SORCS1: variants seen among roughly 807,000 people sequenced by gnomAD.
SORCS1 encodes VPS10 domain-containing receptor SorCS1.
Under a neutral mutation model 146.1 loss-of-function variants are expected in SORCS1, and 60 were observed. That is an observed-to-expected ratio of 0.41 (90% CI 0.33 to 0.51). SORCS1 has a LOEUF of 0.51. SORCS1 is among the 20% of genes least tolerant of loss of function. The pLI, the probability that SORCS1 is intolerant of heterozygous loss-of-function variation, is 0.21. For synonymous variants in SORCS1, 637 were observed against 584.0 expected (o/e 1.09, Z -1.31); for missense variants, 1,352 against 1,487.6 (o/e 0.91, Z 1.50).
chr10:106,694,689 C>T lies in SORCS1; in HGVS notation c.1413+4525G>A, dbSNP rs1292130357. On this transcript the variant is annotated intron_variant, in intron 9 of 25. Coordinates refer to ENST00000263054, the MANE Select transcript of SORCS1 (RefSeq NM_052918.5). ...TATATTATCATAACCGTTGAGTTTT[C>T]TCTTTTAAAGAGAGGGTACTCATAA... Among the ~76,000 whole-genome samples the T allele has an allele frequency of 5.3e-5, 8 of 152,296 alleles. No individual in the cohort carries two copies. In the East Asian group the frequency reaches 1.3e-3, roughly 26 times the overall value.
chr10:106,818,458 C>A (rs1048128288), intron 3 of SORCS1, among the ~76,000 whole-genome samples: 3 of 151,816 alleles, frequency 2.0e-5, no homozygotes, highest in Non-Finnish European at 2.9e-5. Flanking sequence ...CTCCACCTCC[C>A]AGGTTCAAGT....
intron 1 of SORCS1, among the ~76,000 whole-genome samples, chr10:107,107,648 G>A (rs1307559777): frequency 1.3e-5 from 2 of 152,182 alleles, no homozygotes; most frequent in Admixed American, 1.3e-4. Flanking sequence ...AGACAAAATA[G>A]CCTTTGTGGG....
intron 1 of SORCS1, among the ~76,000 whole-genome samples, chr10:106,964,148 T>TA (rs1249165582): frequency 2.0e-5 from 3 of 152,176 alleles, no homozygotes; most frequent in Non-Finnish European, 2.9e-5. Flanking sequence ...CTGGTTTACC[T>TA]AAAGGTTAGA....
rs200833702 is a variant in SORCS1, at chr10:106,614,368, C to T, written c.2921-2345G>A. 1.1e-4 allele frequency among the ~76,000 whole-genome samples: 16 copies of T among 152,286 alleles called. No individual in the cohort carries two copies. In the East Asian group the frequency reaches 3.1e-3, roughly 29 times the overall value. ...TTCACTTGTACATTTCCTAACAATG[C>T]TAAGGAGTTATCAAACACATGTTTC... is the stretch of plus-strand genomic sequence containing the variant. On this transcript the variant is annotated intron_variant, in intron 21 of 25. Coordinates refer to ENST00000263054, the MANE Select transcript of SORCS1 (RefSeq NM_052918.5).
In SORCS1 at chr10:106,808,945, T is replaced by G. The variant is rs190159503; in HGVS notation, c.726+20629A>C. On this transcript the variant is annotated intron_variant, in intron 3 of 25. Coordinates refer to ENST00000263054, the MANE Select transcript of SORCS1 (RefSeq NM_052918.5). ...CTCTAGAGGTGGCAATTTCTTTGCA[T>G]GTGTTTGAATAAACCAAGTCAAAAT... Among the ~76,000 whole-genome samples the G allele has an allele frequency of 3.8e-3, 584 of 152,296 alleles. 7 individuals carry two copies. The highest frequency in any genetic ancestry group is 0.014 in the African/African-American group (570 of 41,564).
At chr10:106,833,804 AT>A (rs1948668889) in intron 2 of SORCS1, among the ~76,000 whole-genome samples, 1 of 148,528 alleles carries the variant, frequency 6.7e-6, no homozygotes, top group Non-Finnish European at 1.5e-5. Flanking sequence ...TATTATTATT[AT>A]TATTTTGAGA....
At chr10:106,691,463 AAT>A (rs1455133015) in intron 9 of SORCS1, among the ~76,000 whole-genome samples, 1 of 151,888 alleles carries the variant, frequency 6.6e-6, no homozygotes, top group Non-Finnish European at 1.5e-5. Context: ...AAAAGTAATT[AAT>A]AGTTATTTCT....
At chr10:106,629,474 C>A in intron 18 of SORCS1, 86 bp from the exon 19 acceptor site, 1 of 1,430,522 alleles carries the variant, frequency 7.0e-7, no homozygotes, top group South Asian at 1.3e-5. Flanking sequence ...TTGTCCTAGT[C>A]CCTGGCTCAG....
the SORCS1 span, among the ~76,000 whole-genome samples, chr10:107,180,913 A>C: frequency 0.76 from 116,188 of 152,116 alleles, 45,056 homozygotes; most frequent in Middle Eastern, 0.86. Context: ...AGGCTACAAA[A>C]CTATACAGCA....
intron 1 of SORCS1, among the ~76,000 whole-genome samples, chr10:107,026,941 C>T (rs141329033): frequency 2.0e-5 from 3 of 150,270 alleles, no homozygotes; most frequent in Admixed American, 6.7e-5. Flanking sequence ...CTCTCTAATG[C>T]GTCTTTAAAA....
intron 1 of SORCS1, among the ~76,000 whole-genome samples, chr10:107,152,641 C>T (rs1968918928): frequency 6.6e-6 from 1 of 152,304 alleles, no homozygotes; most frequent in African/African-American, 2.4e-5. Flanking sequence ...CTGCACCTCT[C>T]TCTTCTGCTG....
chr10:106,646,053 T>C (rs1474125243), intron 18 of SORCS1, among the ~76,000 whole-genome samples: 1 of 152,004 alleles, frequency 6.6e-6, no homozygotes, highest in Non-Finnish European at 1.5e-5. Context: ...TCACTTGAGG[T>C]CACGAGTTCA....
At position 107,038,102 on chromosome 10, in the gene SORCS1, C is replaced by T. The variant is rs536686528; in HGVS notation, c.559-81522G>A. ...CCTCCCAGTGTGCTGGGATTACAGG[C>T]GTGAGCCACTGCACCCGGCCCTTTA... On this transcript the variant is annotated intron_variant, in intron 1 of 25. Coordinates refer to ENST00000263054, the MANE Select transcript of SORCS1 (RefSeq NM_052918.5). Among the ~76,000 whole-genome samples, 12 of 152,286 alleles carry T rather than the reference C, an allele frequency of 7.9e-5. No homozygotes were observed. The East Asian group carries it at 1.7e-3, about 22-fold the overall frequency.
intron 2 of SORCS1, among the ~76,000 whole-genome samples, chr10:106,914,743 T>G (rs1952330818): frequency 1.3e-5 from 2 of 152,206 alleles, no homozygotes; most frequent in African/African-American, 4.8e-5. Flanking sequence ...ATCAGTTACC[T>G]CAGGACTTAT....
Position 106,706,691 on chromosome 10 carries a change from ACAGAACAGT to A in SORCS1, c.1144-66_1144-58del, listed in dbSNP as rs1439978005. 4.0e-5 allele frequency: 60 copies of A among 1,512,850 alleles called. 1 individual carries two copies. In the Admixed American group the frequency reaches 9.6e-4, roughly 24 times the overall value. 93.7% of individuals were successfully genotyped at this position (1,512,850 alleles called of 1,614,324 possible). On this transcript the variant is annotated intron_variant, in intron 7 of 25. Coordinates refer to ENST00000263054, the MANE Select transcript of SORCS1 (RefSeq NM_052918.5). ...CGAGCTACTGTAACAGGCACAGGTC[ACAGAACAGT>A]CACCTGAATGGAAGGAGGAAGCTTC...
intron 1 of SORCS1, among the ~76,000 whole-genome samples, chr10:107,149,733 A>G (rs1565107987): frequency 6.6e-6 from 1 of 152,254 alleles, no homozygotes. Context: ...ACATTCTAAG[A>G]TGTGGAATCT....
intron 18 of SORCS1, among the ~76,000 whole-genome samples, chr10:106,633,470 C>G (rs182134349): frequency 6.6e-6 from 1 of 152,248 alleles, no homozygotes; most frequent in East Asian, 1.9e-4. Flanking sequence ...CCTGTCCAGC[C>G]TCTTGTAGCT....
chr10:107,167,239 A>T (rs754593390), upstream of SORCS1, among the ~76,000 whole-genome samples: 2 of 152,218 alleles, frequency 1.3e-5, no homozygotes, highest in Non-Finnish European at 2.9e-5. Flanking sequence ...AGCGGAAAGT[A>T]CCAGTAATTT....
intron 3 of SORCS1, among the ~76,000 whole-genome samples, chr10:106,794,182 TTATTCCCA>T (rs1332732569): frequency 4.6e-5 from 7 of 152,186 alleles, no homozygotes; most frequent in Admixed American, 4.6e-4. Flanking sequence ...GTCCTGGACA[TTATTCCCA>T]TATGGCCATA....
Sources: allele counts gnomAD v4.1 joint callset (sites outside exome capture counted in the v4.1 genomes callset), GRCh38; gene constraint gnomAD v4.1.1; transcripts MANE v1.5; gene names NCBI Gene and HGNC (gene_info 2026-07-23, HGNC 2026-07-21).